The following C11orf65 variants were observed in gnomAD, a reference collection of about 807,000 sequenced individuals.
C11orf65 encodes protein MFI.
A neutral mutation model predicts 35.3 loss-of-function variants in C11orf65; 38 were observed. The observed-to-expected ratio is 1.08, with a 90% CI of 0.83 to 1.41. The LOEUF (loss-of-function observed/expected upper bound fraction) is 1.41, where lower values mean the gene tolerates loss of function less well. Ranked by LOEUF, C11orf65 falls within the 40% of genes most tolerant of loss-of-function variation. C11orf65 has a pLI of 0.00. For missense variants in C11orf65, 370 were observed against 367.1 expected (o/e 1.01, Z -0.06); for synonymous variants, 105 against 114.4 (o/e 0.92, Z 0.53).
intron 2 of C11orf65, chr11:108,343,145 ACT>A: frequency 1.3e-6 from 2 of 1,579,282 alleles, no homozygotes; most frequent in Non-Finnish European, 1.7e-6. Context: ...CTTTGCACTG[ACT>A]CTGATAGCTG....
intron 7 of C11orf65, among the ~76,000 whole-genome samples, chr11:108,388,195 G>A (rs2092058939): frequency 6.6e-6 from 1 of 152,100 alleles, no homozygotes; most frequent in Non-Finnish European, 1.5e-5. Context: ...ACAATCTGGG[G>A]CACAAACACT....
chr11:108,359,588 C>A (rs2090459928), intron 2 of C11orf65, among the ~76,000 whole-genome samples: 1 of 152,084 alleles, frequency 6.6e-6, no homozygotes, highest in Non-Finnish European at 1.5e-5. Flanking sequence ...GAGATTATAA[C>A]AAACTATCTC....
intron 2 of C11orf65, among the ~76,000 whole-genome samples, chr11:108,437,116 G>C (rs894685066): frequency 6.7e-6 from 1 of 149,160 alleles, no homozygotes; most frequent in Admixed American, 6.7e-5. Context: ...AAAAAGGGGG[G>C]GGGTGGACAA....
intron 3 of C11orf65, among the ~76,000 whole-genome samples, chr11:108,412,505 C>T (rs886202446): frequency 3.3e-5 from 5 of 152,094 alleles, no homozygotes; most frequent in Admixed American, 2.0e-4. Context: ...AATATAAAGA[C>T]ACAGATTAAT....
intron 2 of C11orf65, chr11:108,365,656 T>A: frequency 3.2e-6 from 3 of 940,670 alleles, no homozygotes; most frequent in Admixed American, 2.6e-5. Context: ...ATACTTGATT[T>A]AATCACCACT....
At position 108,345,022 on chromosome 11, in the gene C11orf65, T is replaced by G. The variant is rs538486338; in HGVS notation, c.227-9730A>C. On this transcript the variant is annotated intron_variant, in intron 2 of 3. Coordinates refer to the C11orf65 transcript ENST00000524755. Reference sequence around the variant, plus strand: ...ACCCTGTCTCCAAAAAAAAAAAATGTTGGAGAAAAGGAGTAGCCAGTGCCT... The same window carrying G: ...ACCCTGTCTCCAAAAAAAAAAAATGGTGGAGAAAAGGAGTAGCCAGTGCCT... Among the ~76,000 whole-genome samples, 12 of 151,468 alleles carry G rather than the reference T, an allele frequency of 7.9e-5. No individual in the cohort carries two copies. In the East Asian group the frequency reaches 2.3e-3, roughly 29 times the overall value.
At chr11:108,389,204 AG>A (rs2092088266) in intron 7 of C11orf65, among the ~76,000 whole-genome samples, 1 of 152,252 alleles carries the variant, frequency 6.6e-6, no homozygotes, top group Non-Finnish European at 1.5e-5. Context: ...TCATCAAACA[AG>A]GTGTCACCAA....
At chr11:108,321,048 T>C (rs1451673398) in intron 6 of C11orf65, among the ~76,000 whole-genome samples, 1 of 152,126 alleles carries the variant, frequency 6.6e-6, no homozygotes, top group Non-Finnish European at 1.5e-5. Flanking sequence ...GGAGGAAGGG[T>C]TGGTCTTGCT....
At chr11:108,311,236 A>G (rs1225531457) in intron 6 of C11orf65, among the ~76,000 whole-genome samples, 3 of 152,118 alleles carry the variant, frequency 2.0e-5, no homozygotes, top group African/African-American at 7.2e-5. Context: ...CAGCCTTTCA[A>G]AGTGCTGGGA....
intron 2 of C11orf65, among the ~76,000 whole-genome samples, chr11:108,341,323 C>T (rs536955208): frequency 1.3e-5 from 2 of 152,152 alleles, no homozygotes; most frequent in South Asian, 2.1e-4. Context: ...GAAAGGCCTC[C>T]GACCATGTTG....
Position 108,407,114 on chromosome 11 carries a change from C to T in C11orf65, c.210G>A (p.Val70=), listed in dbSNP as rs1197497568. 1.2e-5 allele frequency: 19 copies of T among 1,610,590 alleles called. No individual in the cohort carries two copies. Among genetic ancestry groups the T allele is most frequent in the Non-Finnish European group, 1.5e-5 (18 of 1,177,716 alleles). The part of the protein sequence containing the change: ...ELLDAAAGIH[V]RFRLGGVKFP... ...TACTTACTCCACCTAATCTGAATCG[C>T]ACATGAATGCCAGCAGCAGCATCTA... Residue 70 remains valine (V), a synonymous_variant, in exon 4 of 9, where the codon GTG becomes GTA. Transcript: ENST00000393084.
rs186571309 is a variant in C11orf65, at chr11:108,384,455, C to T, written c.788-1280G>A. On this transcript the variant is annotated intron_variant, in intron 8 of 8. Coordinates refer to ENST00000393084, the MANE Select transcript of C11orf65 (RefSeq NM_152587.5). ...ATTCTTCTTTTACTAGTGAAGAAAC[C>T]GAGCTAGTAACTTGCCCAAGATCAT... 3.9e-5 allele frequency among the ~76,000 whole-genome samples: 6 copies of T among 152,192 alleles called. No individual in the cohort carries two copies. In the East Asian group the frequency reaches 9.7e-4, roughly 24 times the overall value.
At chr11:108,464,789 T>C (rs1033201906) in intron 1 of C11orf65, among the ~76,000 whole-genome samples, 4 of 152,152 alleles carry the variant, frequency 2.6e-5, no homozygotes, top group African/African-American at 9.7e-5. Context: ...TTTGTTCCAG[T>C]ATACTCTTTT....
intron 6 of C11orf65, among the ~76,000 whole-genome samples, chr11:108,398,749 C>A (rs1002325049): frequency 2.6e-5 from 4 of 152,306 alleles, no homozygotes; most frequent in African/African-American, 9.6e-5. Flanking sequence ...TGTAACCACA[C>A]TTCCTTTGCT....
At chr11:108,467,314 G>A (rs2093552745) in intron 1 of C11orf65, among the ~76,000 whole-genome samples, 157 bp downstream of exon 1, 1 of 152,166 alleles carries the variant, frequency 6.6e-6, no homozygotes. Context: ...GAGGGCTTTA[G>A]AGGAATGAAA....
intron 6 of C11orf65, among the ~76,000 whole-genome samples, chr11:108,311,964 C>G (rs534407684): frequency 6.6e-6 from 1 of 152,216 alleles, no homozygotes; most frequent in East Asian, 1.9e-4. Context: ...TTAAGTGGAT[C>G]CTACTGATCT....
In C11orf65 at chr11:108,383,121, G is replaced by T. The variant is rs1282062469; in HGVS notation, c.842C>A (p.Ser281Ter). 1 of 1,611,744 alleles carries T rather than the reference G, an allele frequency of 6.2e-7. No individual in the cohort carries two copies. The highest frequency in any genetic ancestry group is 8.5e-7 in the Non-Finnish European group (1 of 1,179,044). Residue 281 changes from serine (S) to a stop codon, truncating the protein, a stop_gained, in exon 9 of 9, where the codon TCA (serine) becomes TAA (stop). Transcript: ENST00000393084. LOFTEE classifies it low-confidence loss of function (END_TRUNC). ...KNIYNYGGDI[S>*]KMQMGIPDDT... ...ATCTGGTATTCCCATTTGCATCTTT[G>T]ATATGTCTCCTCCATAGTTATATAT...
chr11:108,326,317 G>C (rs2085685025), intron 6 of C11orf65: 1 of 1,463,444 alleles, frequency 6.8e-7, no homozygotes, highest in African/African-American at 1.4e-5. Context: ...AATTTTATTA[G>C]AGCCTTGAAA....
At chr11:108,335,326 A>G in intron 2 of C11orf65, 1 of 1,429,534 alleles carries the variant, frequency 7.0e-7, no homozygotes, top group Non-Finnish European at 9.3e-7. Flanking sequence ...GGTTGATTCA[A>G]GTAAAAGAAT....
Sources: allele counts gnomAD v4.1 joint callset (sites outside exome capture counted in the v4.1 genomes callset), GRCh38; gene constraint gnomAD v4.1.1; transcripts MANE v1.5; gene names NCBI Gene and HGNC (gene_info 2026-07-23, HGNC 2026-07-21).